PTPRM: variants seen among roughly 807,000 people sequenced by gnomAD.
The protein encoded by PTPRM is protein tyrosine phosphatase receptor type M, also known as receptor-type tyrosine-protein phosphatase mu.
PTPRM carries 47 observed loss-of-function variants against 186.7 expected under a neutral mutation model. The observed-to-expected ratio is 0.25, with a 90% CI of 0.20 to 0.32. PTPRM has a LOEUF of 0.32. Among genes scored for constraint, PTPRM ranks in the 10% least tolerant of loss-of-function variants. PTPRM has a pLI of 1.00. For synonymous variants in PTPRM, 668 were observed against 674.9 expected (o/e 0.99, Z 0.16); for missense variants, 1,494 against 1,865.0 (o/e 0.80, Z 3.66).
chr18:7,758,953 A>G lies in PTPRM; in HGVS notation c.74-15196A>G, dbSNP rs578041614. Among the ~76,000 whole-genome samples the G allele has an allele frequency of 2.6e-5, 4 of 151,452 alleles. No individual in the cohort carries two copies. The East Asian group carries it at 7.7e-4, about 29-fold the overall frequency. ...TGGCAAATTCAGTACAGCAAATGGG[A>G]TGAAGTAACTGTCGGAGGGAGTCTG... is the stretch of plus-strand genomic sequence containing the variant. On this transcript the variant is annotated intron_variant, in intron 1 of 32. Transcript: ENST00000580170.
intron 13 of PTPRM, among the ~76,000 whole-genome samples, chr18:8,126,360 G>A (rs1204266701): frequency 2.0e-5 from 3 of 151,252 alleles, no homozygotes; most frequent in Non-Finnish European, 4.4e-5. Flanking sequence ...TTTTTAATAT[G>A]TATATATATA....
rs143895566 is a variant in PTPRM at position 8,344,430 on chromosome 18, A to ATG, written c.3054+928_3054+929dup. On this transcript the variant is annotated intron_variant, in intron 23 of 32. Coordinates refer to ENST00000580170, the MANE Select transcript of PTPRM (RefSeq NM_001105244.2). ...CACAATATAAGTAGGAGATATATAT[A>ATG]TGTGTGTGTGTGTGTGTGTATATAT... 5.2e-3 allele frequency among the ~76,000 whole-genome samples: 581 copies of ATG among 110,868 alleles called. 12 individuals are homozygous for ATG. The South Asian group carries it at 0.055, about 10-fold the overall frequency. The allele number at this position is 110,868 out of a possible 152,430, so 72.7% of individuals were successfully genotyped here.
At chr18:8,171,200 A>G (rs1474611473) in intron 14 of PTPRM, among the ~76,000 whole-genome samples, 1 of 152,166 alleles carries the variant, frequency 6.6e-6, no homozygotes, top group Non-Finnish European at 1.5e-5. Flanking sequence ...CTTTTTTTAA[A>G]AAGTTGCAGT....
intron 14 of PTPRM, among the ~76,000 whole-genome samples, chr18:8,231,157 T>C (rs558456760): frequency 4.3e-4 from 66 of 152,184 alleles, no homozygotes; most frequent in Non-Finnish European, 8.2e-4. Flanking sequence ...TCAGTGCTAA[T>C]AAGCATTTCC....
intron 1 of PTPRM, among the ~76,000 whole-genome samples, chr18:7,602,173 AG>A (rs2037418784): frequency 6.6e-6 from 1 of 152,228 alleles, no homozygotes; most frequent in African/African-American, 2.4e-5. Context: ...TCAGGACTGC[AG>A]GAGGTGACCT....
intron 14 of PTPRM, among the ~76,000 whole-genome samples, chr18:8,218,499 C>T (rs2094115978): frequency 6.6e-6 from 1 of 152,124 alleles, no homozygotes; most frequent in South Asian, 2.1e-4. Context: ...AATGGGGAGA[C>T]AGCACCACAG....
At chr18:7,817,445 G>T (rs2044898214) in intron 2 of PTPRM, among the ~76,000 whole-genome samples, 1 of 152,150 alleles carries the variant, frequency 6.6e-6, no homozygotes, top group African/African-American at 2.4e-5. Context: ...TGTAATATTA[G>T]ATACCATTTG....
intron 28 of PTPRM, 55 bp from the exon 29 acceptor site, chr18:8,380,241 T>G: frequency 6.4e-7 from 1 of 1,572,682 alleles, no homozygotes; most frequent in East Asian, 2.2e-5. Context: ...TAACCTAGCT[T>G]CTTCTCTTCC....
chr18:7,713,735 T>G (rs951711676), intron 1 of PTPRM, among the ~76,000 whole-genome samples: 15 of 149,718 alleles, frequency 1.0e-4, no homozygotes, highest in Non-Finnish European at 2.2e-4. Context: ...AATCCTGGTT[T>G]CTGATAAAAC....
chr18:7,603,080 A>T (rs1451467488), intron 1 of PTPRM, among the ~76,000 whole-genome samples: 1 of 151,754 alleles, frequency 6.6e-6, no homozygotes, highest in Non-Finnish European at 1.5e-5. Context: ...GGTGCCCGCC[A>T]CCACGCCTGG....
At position 7,862,207 on chromosome 18, in the gene PTPRM, T is replaced by C. The variant is rs546525328; in HGVS notation, c.197-25899T>C. Among the ~76,000 whole-genome samples the C allele has an allele frequency of 4.6e-5, 7 of 152,318 alleles. No individual in the cohort carries two copies. The South Asian group carries it at 1.4e-3, about 32-fold the overall frequency. On this transcript the variant is annotated intron_variant, in intron 2 of 32. Coordinates refer to ENST00000580170, the MANE Select transcript of PTPRM (RefSeq NM_001105244.2). The stretch of plus-strand genomic sequence containing the variant: ...ATCCAAATATTAAAACAAAATTTGC[T>C]GTATAATAGTAGGTGTCTTTATTTA...
chr18:8,065,357 G>T (rs527727846), intron 7 of PTPRM, among the ~76,000 whole-genome samples: 4 of 152,278 alleles, frequency 2.6e-5, no homozygotes, highest in Admixed American at 1.3e-4. Context: ...CGTCCCTTAG[G>T]TCAGACTTCT....
intron 7 of PTPRM, among the ~76,000 whole-genome samples, chr18:7,985,469 G>A (rs184623028): frequency 3.0e-5 from 3 of 100,266 alleles, no homozygotes; most frequent in Admixed American, 1.0e-4. Flanking sequence ...TGGTAGATAC[G>A]TAAATATATA....
chr18:8,370,930 A>G lies in PTPRM; in HGVS notation c.3095A>G (p.Tyr1032Cys). The G allele has an allele frequency of 1.2e-6, 2 of 1,606,520 alleles. No individual in the cohort carries two copies. Among genetic ancestry groups the G allele is most frequent in the Non-Finnish European group, 1.7e-6 (2 of 1,174,120 alleles). Residue 1032 changes from tyrosine to cysteine, a missense_variant, in exon 24 of 33, where the codon TAT (tyrosine) becomes TGT (cysteine). Tyr to Cys is a radical substitution (Grantham distance 194, BLOSUM62 -2). Around this residue, in one of 3 missense-constraint regions of PTPRM, gnomAD observed 1,107 missense variants for 1,350.2 expected, o/e 0.82. Coordinates refer to ENST00000580170, the MANE Select transcript of PTPRM (RefSeq NM_001105244.2). ...CKYWPDDTEI[Y>C]KDIKVTLIET... is the part of the protein sequence containing the mutation. ...TACTGGCCAGATGACACAGAGATATATAAAGACATTAAAGTTACCCTAATA... is the reference window on the plus strand; with the variant it reads ...TACTGGCCAGATGACACAGAGATATGTAAAGACATTAAAGTTACCCTAATA...
At chr18:8,327,544 G>A (rs1248649446) in intron 22 of PTPRM, among the ~76,000 whole-genome samples, 1 of 152,192 alleles carries the variant, frequency 6.6e-6, no homozygotes, top group African/African-American at 2.4e-5. Context: ...AAGAATGAAT[G>A]AGTGAATGAG....
chr18:8,079,325 G>A (rs2090000880), intron 9 of PTPRM, among the ~76,000 whole-genome samples: 1 of 152,102 alleles, frequency 6.6e-6, no homozygotes, highest in Admixed American at 6.5e-5. Context: ...ACCTGGGTCT[G>A]ATCATTACAC....
In PTPRM at chr18:7,926,661, C is replaced by T. The variant is rs2051188743; in HGVS notation, c.641C>T (p.Ala214Val). ...TGCAGTGCCATCGGCAGGACCGTGGCAGGAGACAGGCTCTGGTTACAGGTA... is the reference window on the plus strand; with the variant it reads ...TGCAGTGCCATCGGCAGGACCGTGGTAGGAGACAGGCTCTGGTTACAGGTA... ...FQCSAIGRTV[A>V]GDRLWLQGID... is the part of the protein sequence containing the mutation. Residue 214 changes from alanine to valine, a missense_variant, in exon 5 of 33, where the codon GCA becomes GTA. Ala to Val is a moderately conservative substitution (Grantham distance 64, BLOSUM62 0). Around this residue, in one of 3 missense-constraint regions of PTPRM, gnomAD observed 296 missense variants for 345.5 expected, o/e 0.86. Transcript: ENST00000580170. 2.5e-6 allele frequency: 4 copies of T among 1,612,732 alleles called. No homozygotes were observed. Among genetic ancestry groups the T allele is most frequent in the Non-Finnish European group, 3.4e-6 (4 of 1,179,684 alleles).
intron 7 of PTPRM, among the ~76,000 whole-genome samples, chr18:7,977,562 A>C (rs531768873): frequency 6.6e-6 from 1 of 152,176 alleles, no homozygotes; most frequent in Non-Finnish European, 1.5e-5. Context: ...GTCCAACATA[A>C]GAAAGATAAT....
rs1426131645 is a variant in PTPRM at position 7,984,598 on chromosome 18, T to TACACACACACAC, written c.1132+29185_1132+29186insCACACACACACA. 4.8e-4 allele frequency among the ~76,000 whole-genome samples: 55 copies of TACACACACACAC among 115,098 alleles called. 1 individual carries two copies. The highest frequency in any genetic ancestry group is 1.8e-3 in the African/African-American group (50 of 28,066). 75.5% of individuals were successfully genotyped at this position (115,098 alleles called of 152,430 possible). A position where few individuals can be genotyped will look rare whatever the true frequency, so the allele number is the denominator to read the frequency against. On this transcript the variant is annotated intron_variant, in intron 7 of 32. Transcript: ENST00000580170. ...ATATATATATATATATATATATATATATATACACACACACACACACACACA... is the reference window on the plus strand; with the variant it reads ...ATATATATATATATATATATATATATACACACACACACATATACACACACACACACACACACA...
Sources: gnomAD v4.1 joint callset for allele counts (sites outside exome capture counted in the v4.1 genomes callset) on GRCh38, gnomAD v4.1.1 for gene constraint, gnomAD v4.1.1 regional missense constraint, MANE v1.5 for transcripts, NCBI Gene and HGNC (gene_info 2026-07-23, HGNC 2026-07-21) for gene names.